FAM107B: variants seen among roughly 807,000 people sequenced by gnomAD.
FAM107B encodes family with sequence similarity 107 member B, also known as protein FAM107B.
FAM107B carries 21 observed loss-of-function variants against 31.5 expected under a neutral mutation model. The observed-to-expected ratio is 0.67, with a 90% CI of 0.47 to 0.96. The LOEUF (loss-of-function observed/expected upper bound fraction) is 0.96, where lower values mean the gene tolerates loss of function less well. FAM107B is among the 40% of genes least tolerant of loss of function. The pLI is 0.00. For synonymous variants in FAM107B, 157 were observed against 141.5 expected (o/e 1.11, Z -0.78); for missense variants, 452 against 377.1 (o/e 1.20, Z -1.64).
rs537609010 is a variant in FAM107B, at chr10:14,531,547, A to G, written c.470-1032T>C. 6.4e-4 allele frequency among the ~76,000 whole-genome samples: 97 copies of G among 150,738 alleles called. 1 individual carries two copies. Among genetic ancestry groups the G allele is most frequent in the Non-Finnish European group, 6.5e-4 (44 of 67,654 alleles). ...ATATCTCTAAAAGAAAAGAAAAAAA[A>G]AAAAAAAAAAGAGGCTGGGCACAGT... On this transcript the variant is annotated intron_variant, in intron 2 of 4. Coordinates refer to ENST00000181796, the MANE Select transcript of FAM107B (RefSeq NM_031453.4).
chr10:14,627,409 AC>A (rs1202670227), intron 2 of FAM107B, among the ~76,000 whole-genome samples: 1 of 152,202 alleles, frequency 6.6e-6, no homozygotes, highest in African/African-American at 2.4e-5. Flanking sequence ...TCATGCAAAT[AC>A]CTGTTAAAAT....
chr10:14,769,632 T>C (rs758473736), intron 1 of FAM107B, among the ~76,000 whole-genome samples: 18 of 152,124 alleles, frequency 1.2e-4, no homozygotes, highest in Non-Finnish European at 2.2e-4. Context: ...GATTCACCCC[T>C]CACTCAGCCT....
chr10:14,583,941 G>A (rs890353430), intron 2 of FAM107B, among the ~76,000 whole-genome samples: 2 of 152,188 alleles, frequency 1.3e-5, no homozygotes, highest in African/African-American at 4.8e-5. Context: ...TCATAGGAGT[G>A]TTTCATGGCA....
chr10:14,685,391 C>G (rs1461560930), intron 1 of FAM107B, among the ~76,000 whole-genome samples: 1 of 152,044 alleles, frequency 6.6e-6, no homozygotes, highest in Non-Finnish European at 1.5e-5. Flanking sequence ...CCAAGCAATC[C>G]TCCCACCTAG....
chr10:14,725,657 C>T (rs1564274710), intron 1 of FAM107B, among the ~76,000 whole-genome samples: 1 of 152,018 alleles, frequency 6.6e-6, no homozygotes, highest in African/African-American at 2.4e-5. Context: ...TCTCTAGTAA[C>T]TCTTCTTGTA....
chr10:14,538,340 G>A (rs756519181), intron 2 of FAM107B, among the ~76,000 whole-genome samples: 9 of 152,224 alleles, frequency 5.9e-5, no homozygotes, highest in Non-Finnish European at 1.3e-4. Context: ...GGATGGGTAA[G>A]TAAACAGCGG....
intron 2 of FAM107B, among the ~76,000 whole-genome samples, chr10:14,576,230 TA>T (rs930976345): frequency 6.6e-6 from 1 of 152,186 alleles, no homozygotes; most frequent in Non-Finnish European, 1.5e-5. Flanking sequence ...CACGATTTTT[TA>T]AAAAGCCACT....
At chr10:14,703,106 C>T (rs1368407919) in intron 1 of FAM107B, among the ~76,000 whole-genome samples, 3 of 152,196 alleles carry the variant, frequency 2.0e-5, no homozygotes. Flanking sequence ...TCTCTCCCTC[C>T]CCTCTGAGGT....
intron 2 of FAM107B, among the ~76,000 whole-genome samples, chr10:14,533,677 C>T (rs919255727): frequency 6.6e-6 from 1 of 152,226 alleles, no homozygotes; most frequent in African/African-American, 2.4e-5. Context: ...CTCAGCCTTT[C>T]CTGGACGTCA....
At chr10:14,572,067 C>A (rs1851272121) in intron 2 of FAM107B, 37 of 985,306 alleles carry the variant, frequency 3.8e-5, no homozygotes, top group Non-Finnish European at 4.5e-5. Context: ...ACAAAGAACT[C>A]TCTTTCTGGA....
At position 14,629,484 on chromosome 10, in the gene FAM107B, CATATATAATATATAT is replaced by C. The variant is rs1564607000; in HGVS notation, c.469+38135_469+38149del. ...ATATATATATTTAATATATATATAA[CATATATAATATATAT>C]ATATTTAATATATATATATATATTT... On this transcript the variant is annotated intron_variant, in intron 2 of 4. Coordinates refer to ENST00000181796, the MANE Select transcript of FAM107B (RefSeq NM_031453.4). Among the ~76,000 whole-genome samples the C allele has an allele frequency of 8.9e-5, 9 of 100,914 alleles. 3 individuals are homozygous for C. Among genetic ancestry groups the C allele is most frequent in the African/African-American group, 3.9e-4 (9 of 22,874 alleles). The allele number at this position is 100,914 out of a possible 152,430, so 66.2% of individuals were successfully genotyped here. A position where few individuals can be genotyped will look rare whatever the true frequency, so the allele number is the denominator to read the frequency against.
At chr10:14,574,034 G>C (rs1052638231) in intron 2 of FAM107B, among the ~76,000 whole-genome samples, 9 of 152,012 alleles carry the variant, frequency 5.9e-5, no homozygotes, top group Admixed American at 5.2e-4. Flanking sequence ...ACAAGACCAG[G>C]GTAGACACTT....
intron 1 of FAM107B, among the ~76,000 whole-genome samples, chr10:14,751,435 G>A (rs1391164640): frequency 6.6e-6 from 1 of 152,078 alleles, no homozygotes; most frequent in Non-Finnish European, 1.5e-5. Flanking sequence ...TGAAAACCTA[G>A]GCTGTTCGAA....
chr10:14,545,216 A>C (rs1848585050), intron 2 of FAM107B, among the ~76,000 whole-genome samples: 1 of 152,172 alleles, frequency 6.6e-6, no homozygotes, highest in South Asian at 2.1e-4. Context: ...AGCTAGCTCC[A>C]GAGTCCATGC....
chr10:14,553,475 G>T, intron 2 of FAM107B: 1 of 729,724 alleles, frequency 1.4e-6, no homozygotes, highest in Non-Finnish European at 2.0e-6. Flanking sequence ...CTAAGAAGCT[G>T]AACAAAATTC....
At chr10:14,744,579 C>T (rs1319965987) in intron 1 of FAM107B, among the ~76,000 whole-genome samples, 2 of 151,950 alleles carry the variant, frequency 1.3e-5, no homozygotes, top group Admixed American at 6.6e-5. Flanking sequence ...TTTTTGAAGG[C>T]CTTTTCTGTG....
intron 1 of FAM107B, among the ~76,000 whole-genome samples, chr10:14,744,333 C>T (rs979120185): frequency 2.0e-5 from 3 of 152,188 alleles, no homozygotes; most frequent in Middle Eastern, 3.4e-3. Flanking sequence ...ATTTGAATAC[C>T]TTTATTTCTT....
intron 1 of FAM107B, 21 bp downstream of exon 1, chr10:14,774,232 G>A (rs376639828): frequency 2.5e-6 from 4 of 1,584,470 alleles, no homozygotes; most frequent in African/African-American, 1.3e-5. Context: ...GTCTATAATC[G>A]CAGAGCGAAC....
intron 2 of FAM107B, among the ~76,000 whole-genome samples, chr10:14,561,052 C>CA (rs1485539044): frequency 6.6e-6 from 1 of 152,222 alleles, no homozygotes; most frequent in East Asian, 1.9e-4. Flanking sequence ...AACCAGCCAT[C>CA]ATTCTCTGTC....
Sources: allele counts gnomAD v4.1 joint callset (sites outside exome capture counted in the v4.1 genomes callset), GRCh38; gene constraint gnomAD v4.1.1; transcripts MANE v1.5; gene names NCBI Gene and HGNC (gene_info 2026-07-23, HGNC 2026-07-21).